SENP8: variants seen among roughly 807,000 people sequenced by gnomAD.
SENP8 encodes sentrin-specific protease 8.
A neutral mutation model predicts 14.4 loss-of-function variants in SENP8; 10 were observed. The ratio of observed to expected loss-of-function variants is 0.69; its 90% CI spans 0.43 to 1.18. The LOEUF is 1.18. Among genes scored for constraint, SENP8 ranks in the 50% most tolerant of loss-of-function variants. The pLI is 0.00. For synonymous variants in SENP8, 94 were observed against 95.5 expected, an observed-to-expected ratio of 0.98 and a Z score of 0.09; for missense variants, 202 against 249.4, an observed-to-expected ratio of 0.81 and a Z score of 1.28.
chr15:72,139,509 A>C (rs758376576), intron 1 of SENP8, 68 bp from the exon 2 acceptor site: 19 of 1,411,354 alleles, frequency 1.3e-5, no homozygotes, highest in Non-Finnish European at 4.8e-6. Flanking sequence ...CAACCCTATA[A>C]AAGTAACTAC....
intron 1 of SENP8, among the ~76,000 whole-genome samples, chr15:72,121,935 A>G (rs569717192): frequency 1.1e-3 from 160 of 152,338 alleles, no homozygotes; most frequent in Non-Finnish European, 1.7e-3. Context: ...TAATAAAGCA[A>G]TGGCCTTACC....
At chr15:72,130,764 T>A (rs546730511) in intron 1 of SENP8, among the ~76,000 whole-genome samples, 2 of 152,194 alleles carry the variant, frequency 1.3e-5, no homozygotes, top group African/African-American at 4.8e-5. Context: ...GGTTTCTCCA[T>A]GTTGGTCAGG....
At chr15:72,137,716 T>TA (rs1215129844) in intron 1 of SENP8, among the ~76,000 whole-genome samples, 1 of 152,198 alleles carries the variant, frequency 6.6e-6, no homozygotes, top group African/African-American at 2.4e-5. Flanking sequence ...CTCACGTCTG[T>TA]AATCCCAGCA....
intron 1 of SENP8, among the ~76,000 whole-genome samples, chr15:72,136,695 G>T (rs2081330790): frequency 6.6e-6 from 1 of 152,038 alleles, no homozygotes; most frequent in African/African-American, 2.4e-5. Flanking sequence ...GTAGACAAGT[G>T]GTAAAATAAC....
intron 1 of SENP8, among the ~76,000 whole-genome samples, chr15:72,128,113 G>T (rs1359338759): frequency 6.6e-6 from 1 of 151,636 alleles, no homozygotes; most frequent in Non-Finnish European, 1.5e-5. Context: ...AGGGAAAGGG[G>T]AGAGGGGAGA....
chr15:72,137,935 G>A (rs983720845), intron 1 of SENP8, among the ~76,000 whole-genome samples: 2 of 151,568 alleles, frequency 1.3e-5, no homozygotes, highest in African/African-American at 4.9e-5. Flanking sequence ...TCGCGCCACT[G>A]CACTCCAGCC....
rs1267127889 is a variant in SENP8, at chr15:72,139,718, T to C, written c.95T>C (p.Ile32Thr). The C allele has an allele frequency of 3.1e-6, 5 of 1,614,196 alleles. No homozygotes were observed. Among genetic ancestry groups the C allele is most frequent in the Admixed American group, 1.7e-5 (1 of 60,014 alleles). ...DPPSWLNDHI[I>T]GFAFEYFANS... is the part of the protein sequence containing the mutation. ...CCAAGCTGGCTCAATGACCATATTA[T>C]TGGGTTTGCGTTTGAGTACTTTGCC... is the stretch of plus-strand genomic sequence containing the variant. Residue 32 changes from isoleucine to threonine, a missense_variant, in exon 2 of 2, where the codon ATT becomes ACT. Coordinates refer to ENST00000340912, the MANE Select transcript of SENP8 (RefSeq NM_145204.4).
At chr15:72,121,556 G>T (rs1223982781) in intron 1 of SENP8, among the ~76,000 whole-genome samples, 2 of 114,906 alleles carry the variant, frequency 1.7e-5, no homozygotes, top group African/African-American at 6.4e-5. Context: ...AAGTGAGACC[G>T]TGTCTCTCCA....
At chr15:72,130,824 A>G (rs1015928917) in intron 1 of SENP8, among the ~76,000 whole-genome samples, 2 of 152,050 alleles carry the variant, frequency 1.3e-5, no homozygotes, top group African/African-American at 4.8e-5. Flanking sequence ...CAGCCTCCCA[A>G]AGTGCTGGGA....
At chr15:72,131,212 A>AT (rs1452132736) in intron 1 of SENP8, among the ~76,000 whole-genome samples, 1 of 152,156 alleles carries the variant, frequency 6.6e-6, no homozygotes, top group Admixed American at 6.5e-5. Flanking sequence ...TCTTAAAATA[A>AT]TTTTTTTAAA....
chr15:72,129,535 TA>T (rs1240869887), intron 1 of SENP8, among the ~76,000 whole-genome samples: 3 of 143,304 alleles, frequency 2.1e-5, no homozygotes, highest in Admixed American at 7.0e-5. Context: ...GCTAATTTTG[TA>T]TTTTTTTTTT....
At chr15:72,115,975 ATTGTT>A (rs2080957516), upstream of SENP8, among the ~76,000 whole-genome samples, 1 of 152,246 alleles carries the variant, frequency 6.6e-6, no homozygotes, top group Admixed American at 6.5e-5. Context: ...TTCCATATGT[ATTGTT>A]AAGAAATGAC....
At chr15:72,130,988 G>A (rs1249136907) in intron 1 of SENP8, among the ~76,000 whole-genome samples, 1 of 152,156 alleles carries the variant, frequency 6.6e-6, no homozygotes, top group Non-Finnish European at 1.5e-5. Context: ...GAATAACTTG[G>A]AAATATCTTA....
chr15:72,128,022 G>T (rs1199056965), intron 1 of SENP8, among the ~76,000 whole-genome samples: 1 of 151,980 alleles, frequency 6.6e-6, no homozygotes, highest in African/African-American at 2.4e-5. Flanking sequence ...GAGCCCATCA[G>T]TTAAAGGCTG....
rs549755545 is a variant in SENP8 at position 72,133,353 on chromosome 15, T to C, written c.-47-6224T>C. On this transcript the variant is annotated intron_variant, in intron 1 of 1. Transcript: ENST00000340912. ...GAATTCAGTCTGTCACCACTTAGCT[T>C]CTAAGAATCCTCTAATATTTGCCTG... Among the ~76,000 whole-genome samples, 20 of 152,338 alleles carry C rather than the reference T, an allele frequency of 1.3e-4. No homozygotes were observed. The South Asian group carries it at 3.9e-3, about 30-fold the overall frequency.
rs527592503 is a variant in SENP8 at position 72,124,758 on chromosome 15, T to C, written c.-48+6294T>C. 1.4e-3 allele frequency among the ~76,000 whole-genome samples: 206 copies of C among 152,246 alleles called. 1 individual carries two copies. Among genetic ancestry groups the C allele is most frequent in the African/African-American group, 4.5e-3 (188 of 41,560 alleles). On this transcript the variant is annotated intron_variant, in intron 1 of 1. Transcript: ENST00000340912. ...TCAATATGGAAATCACTGTATTTAC[T>C]AATTATGTGTTCATTATTAAAAAAG...
chr15:72,116,942 G>A (rs146859565), upstream of SENP8: 5 of 152,290 alleles, frequency 3.3e-5, no homozygotes, highest in East Asian at 9.6e-4. Context: ...ATGGGTCTCG[G>A]TCGGTCCCCT....
intron 1 of SENP8, among the ~76,000 whole-genome samples, chr15:72,121,003 T>G (rs2081162673): frequency 6.6e-6 from 1 of 152,190 alleles, no homozygotes; most frequent in Middle Eastern, 3.2e-3. Flanking sequence ...TTAAAATATC[T>G]CAGTATAATG....
At chr15:72,115,110 GT>G (rs779768545), upstream of SENP8, among the ~76,000 whole-genome samples, 11 of 152,320 alleles carry the variant, frequency 7.2e-5, no homozygotes, top group Non-Finnish European at 1.3e-4. Context: ...ATATTAGATA[GT>G]GAATCTCACT....
Sources: allele counts gnomAD v4.1 joint callset (sites outside exome capture counted in the v4.1 genomes callset), GRCh38; gene constraint gnomAD v4.1.1; transcripts MANE v1.5; gene names NCBI Gene and HGNC (gene_info 2026-07-23, HGNC 2026-07-21).